WDPCP: variants seen among roughly 807,000 people sequenced by gnomAD.
The protein encoded by WDPCP is WD repeat-containing and planar cell polarity effector protein fritz homolog.
A neutral mutation model predicts 93.1 loss-of-function variants in WDPCP; 71 were observed. The observed-to-expected ratio is 0.76, with a 90% CI of 0.63 to 0.93. The LOEUF (loss-of-function observed/expected upper bound fraction) is 0.93, where lower values mean the gene tolerates loss of function less well. Among genes scored for constraint, WDPCP ranks in the 40% least tolerant of loss-of-function variants. The pLI is 0.00. For synonymous variants in WDPCP, 315 were observed against 315.0 expected (o/e 1.00, Z 0.00); for missense variants, 844 against 887.4 (o/e 0.95, Z 0.62).
At chr2:63,275,953 ACT>A (rs1275509570) in intron 13 of WDPCP, among the ~76,000 whole-genome samples, 2 of 50,228 alleles carry the variant, frequency 4.0e-5, no homozygotes, top group African/African-American at 2.2e-4. Flanking sequence ...GAATCCATAG[ACT>A]CTTTGAAGGA....
rs70965141 is a variant in WDPCP at position 63,733,183 on chromosome 2, A to ATTT, written n.308+80436_308+80438dup. On this transcript the variant is annotated intron_variant and non_coding_transcript_variant, in intron 2 of 4. Coordinates refer to the WDPCP transcript ENST00000467687. ...TTACAAGCTAATATACAAATAAATGATTTTTTTTTTTTTTTTTTTTTTTTT... is the reference window on the plus strand; with the variant it reads ...TTACAAGCTAATATACAAATAAATGATTTTTTTTTTTTTTTTTTTTTTTTTTTT... Among the ~76,000 whole-genome samples, 144 of 94,952 alleles carry ATTT rather than the reference A, an allele frequency of 1.5e-3. 4 individuals are homozygous for ATTT. Among genetic ancestry groups the ATTT allele is most frequent in the African/African-American group, 3.8e-3 (84 of 22,336 alleles). 62.3% of individuals were successfully genotyped at this position (94,952 alleles called of 152,430 possible). A position where few individuals can be genotyped will look rare whatever the true frequency, so the allele number is the denominator to read the frequency against.
chr2:63,148,014 T>C (rs1282438562), intron 17 of WDPCP, among the ~76,000 whole-genome samples: 1 of 150,096 alleles, frequency 6.7e-6, no homozygotes, highest in African/African-American at 2.5e-5. Flanking sequence ...AGGAGATAAT[T>C]AAACCAGAGT....
At chr2:63,388,553 C>T (rs540600555) in intron 10 of WDPCP, among the ~76,000 whole-genome samples, 74 of 152,292 alleles carry the variant, frequency 4.9e-4, no homozygotes, top group African/African-American at 1.4e-3. Flanking sequence ...ATGACTTCGA[C>T]GAGTTGACAG....
chr2:63,562,411 T>G (rs1474879272), intron 1 of WDPCP, among the ~76,000 whole-genome samples: 2 of 152,148 alleles, frequency 1.3e-5, no homozygotes, highest in African/African-American at 4.8e-5. Flanking sequence ...GATAAATAAC[T>G]AATGCATGTG....
chr2:63,779,020 G>A (rs901923120), intron 2 of WDPCP, among the ~76,000 whole-genome samples: 3 of 152,088 alleles, frequency 2.0e-5, no homozygotes, highest in African/African-American at 7.2e-5. Context: ...CCTCACTAAA[G>A]AAGGGGAATG....
chr2:63,598,050 TTC>T (rs1709351626), intron 3 of WDPCP: 1 of 152,246 alleles, frequency 6.6e-6, no homozygotes, highest in Admixed American at 6.5e-5. Context: ...TGACTTATAG[TTC>T]TCTCTTTGTG....
chr2:63,698,477 T>C (rs562793319), intron 2 of WDPCP, among the ~76,000 whole-genome samples: 1 of 152,224 alleles, frequency 6.6e-6, no homozygotes, highest in Admixed American at 6.5e-5. Flanking sequence ...ACCAAGCAGA[T>C]GTTAGAATGT....
At chr2:63,298,489 CAGA>C (rs1194596055) in intron 13 of WDPCP, among the ~76,000 whole-genome samples, 2 of 151,772 alleles carry the variant, frequency 1.3e-5, no homozygotes, top group African/African-American at 4.8e-5. Context: ...GAAAAGCAAG[CAGA>C]AGAAGGTGGA....
chr2:63,406,100 A>T (rs1694561085), intron 9 of WDPCP, among the ~76,000 whole-genome samples: 1 of 152,128 alleles, frequency 6.6e-6, no homozygotes, highest in Non-Finnish European at 1.5e-5. Flanking sequence ...GTCATTTTTT[A>T]AAAAAGCACA....
intron 12 of WDPCP, among the ~76,000 whole-genome samples, chr2:63,362,762 T>A (rs1253152572): frequency 6.6e-6 from 1 of 152,068 alleles, no homozygotes; most frequent in Non-Finnish European, 1.5e-5. Flanking sequence ...ACTCCTAGGG[T>A]CAAGTGATCC....
chr2:63,730,032 TGTTGTAAGGGAGGGAA>T (rs1669537786), intron 2 of WDPCP, among the ~76,000 whole-genome samples: 1 of 152,130 alleles, frequency 6.6e-6, no homozygotes, highest in Non-Finnish European at 1.5e-5. Flanking sequence ...GCTCAGTGTT[TGTTGTAAGGGAGGGAA>T]AGAGTAGTTT....
intron 12 of WDPCP, among the ~76,000 whole-genome samples, chr2:63,325,393 C>T (rs1461139292): frequency 6.6e-6 from 1 of 152,158 alleles, no homozygotes; most frequent in Non-Finnish European, 1.5e-5. Flanking sequence ...AGAAAAAAGC[C>T]CCCAACCAGA....
At chr2:63,799,073 C>T (rs1670658512) in intron 2 of WDPCP, among the ~76,000 whole-genome samples, 1 of 152,078 alleles carries the variant, frequency 6.6e-6, no homozygotes, top group Admixed American at 6.6e-5. Flanking sequence ...GCTTAATTAC[C>T]ATACCTACTA....
chr2:63,168,241 TTAAG>T, intron 15 of WDPCP, among the ~76,000 whole-genome samples: 1 of 152,288 alleles, frequency 6.6e-6, no homozygotes, highest in Non-Finnish European at 1.5e-5. Flanking sequence ...ACAAATATTC[TTAAG>T]TGTTTTATCT....
chr2:63,466,525 G>T (rs1699355375), intron 6 of WDPCP, among the ~76,000 whole-genome samples: 1 of 152,028 alleles, frequency 6.6e-6, no homozygotes, highest in Admixed American at 6.6e-5. Flanking sequence ...TTAATACAAA[G>T]TTATAAATTT....
chr2:63,691,839 T>C (rs1464771262), intron 2 of WDPCP, among the ~76,000 whole-genome samples: 1 of 151,718 alleles, frequency 6.6e-6, no homozygotes, highest in East Asian at 1.9e-4. Context: ...AAAGGTATGA[T>C]CTATACAAGA....
chr2:63,787,106 C>A (rs547006119), intron 2 of WDPCP, among the ~76,000 whole-genome samples: 7 of 151,980 alleles, frequency 4.6e-5, no homozygotes. Context: ...ACTAGGATAC[C>A]CTTGGATCCT....
At chr2:63,316,489 C>A (rs1362793780) in intron 12 of WDPCP, among the ~76,000 whole-genome samples, 1 of 151,700 alleles carries the variant, frequency 6.6e-6, no homozygotes, top group Non-Finnish European at 1.5e-5. Flanking sequence ...CCCACCTCTA[C>A]TAAAAATACA....
intron 6 of WDPCP, among the ~76,000 whole-genome samples, chr2:63,470,859 C>A (rs1234408187): frequency 5.9e-5 from 9 of 152,106 alleles, no homozygotes; most frequent in Non-Finnish European, 1.5e-5. Flanking sequence ...ATTCTTCAAA[C>A]ATGCCAGGTA....
Sources: gnomAD v4.1 joint callset for allele counts (sites outside exome capture counted in the v4.1 genomes callset) on GRCh38, gnomAD v4.1.1 for gene constraint, MANE v1.5 for transcripts, NCBI Gene and HGNC (gene_info 2026-07-23, HGNC 2026-07-21) for gene names.